The following THSD7A variants were observed in gnomAD, a reference collection of about 807,000 sequenced individuals.
The protein encoded by THSD7A is thrombospondin type 1 domain containing 7A, also known as thrombospondin type-1 domain-containing protein 7A.
A neutral mutation model predicts 231.3 loss-of-function variants in THSD7A; 96 were observed. The ratio of observed to expected loss-of-function variants is 0.41; its 90% CI spans 0.35 to 0.49. THSD7A has a LOEUF of 0.49. Ranked by LOEUF, THSD7A falls within the 20% of genes least tolerant of loss-of-function variation. The pLI is 0.05. For missense variants in THSD7A, 2,290 were observed against 2,070.2 expected (o/e 1.11, Z -2.06); for synonymous variants, 940 against 743.3 (o/e 1.26, Z -4.30).
At chr7:11,762,539 A>G (rs2128168646) in intron 1 of THSD7A, among the ~76,000 whole-genome samples, 1 of 152,216 alleles carries the variant, frequency 6.6e-6, no homozygotes, top group African/African-American at 2.4e-5. Flanking sequence ...TCTTCTGAGA[A>G]ATGTCTGTTC....
intron 4 of THSD7A, among the ~76,000 whole-genome samples, chr7:11,571,943 T>C (rs546238300): frequency 4.1e-4 from 62 of 152,322 alleles, no homozygotes; most frequent in African/African-American, 1.3e-3. Flanking sequence ...GTTGATGTTT[T>C]TTTAACTGAA....
At chr7:11,456,890 C>T (rs1056650928) in intron 11 of THSD7A, among the ~76,000 whole-genome samples, 4 of 151,946 alleles carry the variant, frequency 2.6e-5, no homozygotes, top group African/African-American at 9.7e-5. Flanking sequence ...ATTTCTATCT[C>T]TAGAATCATA....
chr7:11,702,212 G>T (rs1029342436), intron 1 of THSD7A, among the ~76,000 whole-genome samples: 1 of 151,188 alleles, frequency 6.6e-6, no homozygotes, highest in Non-Finnish European at 1.5e-5. Flanking sequence ...CCAGAGTCTG[G>T]TATGATGTGG....
At chr7:11,465,128 ACAAGAGT>A (rs1164324402) in intron 9 of THSD7A, among the ~76,000 whole-genome samples, 1 of 152,146 alleles carries the variant, frequency 6.6e-6, no homozygotes, top group East Asian at 1.9e-4. Flanking sequence ...TATACCTAAG[ACAAGAGT>A]CACATATAGT....
Position 11,377,601 on chromosome 7 carries a change from G to T in THSD7A, c.4802-944C>A, listed in dbSNP as rs117966176. The stretch of plus-strand genomic sequence containing the variant: ...GATCAAGTTAGAGGTTCATTTGCTG[G>T]GAATAAACTCAATTAATATTCTAAA... On this transcript the variant is annotated intron_variant, in intron 26 of 27. Transcript: ENST00000423059. The surrounding 1 kb of genome is among the most constrained non-coding windows in gnomAD (Gnocchi z 4.5). Among the ~76,000 whole-genome samples the T allele has an allele frequency of 4.3e-4, 65 of 151,966 alleles. No homozygotes were observed. The highest frequency in any genetic ancestry group is 7.8e-4 in the Non-Finnish European group (53 of 67,938).
chr7:11,629,074 T>C (rs572693269), intron 2 of THSD7A, among the ~76,000 whole-genome samples: 75 of 152,264 alleles, frequency 4.9e-4, no homozygotes, highest in Non-Finnish European at 9.4e-4. Flanking sequence ...GCAGGAGCCT[T>C]TGCTAGAGAA....
At chr7:11,752,692 G>C (rs1377708071) in intron 1 of THSD7A, among the ~76,000 whole-genome samples, 1 of 151,930 alleles carries the variant, frequency 6.6e-6, no homozygotes, top group Non-Finnish European at 1.5e-5. Flanking sequence ...AAGGTGGGAG[G>C]ACTGCTTGAG....
intron 6 of THSD7A, among the ~76,000 whole-genome samples, chr7:11,501,460 A>G (rs1787333837): frequency 1.3e-5 from 2 of 152,214 alleles, no homozygotes; most frequent in South Asian, 4.1e-4. Flanking sequence ...AAAAATAGAA[A>G]TCAACACAAT....
intron 6 of THSD7A, among the ~76,000 whole-genome samples, chr7:11,524,002 A>G (rs1788373340): frequency 6.6e-6 from 1 of 152,154 alleles, no homozygotes; most frequent in Non-Finnish European, 1.5e-5. Context: ...CATAGTTTCT[A>G]CTTTTCTATG....
chr7:11,604,499 T>A (rs935142548), intron 2 of THSD7A, among the ~76,000 whole-genome samples: 21 of 152,292 alleles, frequency 1.4e-4, no homozygotes, highest in Non-Finnish European at 2.5e-4. Context: ...AACATATTTT[T>A]AATAATTAAA....
At position 11,779,461 on chromosome 7, in the gene THSD7A, A is replaced by T. The variant is rs551105778; in HGVS notation, c.190+52296T>A. 2.4e-4 allele frequency among the ~76,000 whole-genome samples: 36 copies of T among 152,312 alleles called. 1 individual carries two copies. The South Asian group carries it at 7.2e-3, about 31-fold the overall frequency. On this transcript the variant is annotated intron_variant, in intron 1 of 27. Transcript: ENST00000423059. ...CCAAATCTCTTTGTCTGACATATCA[A>T]GGTCATAGGATAAAAACTAGATTCA...
At chr7:11,442,321 G>A (rs929800080) in intron 13 of THSD7A, among the ~76,000 whole-genome samples, 1 of 151,992 alleles carries the variant, frequency 6.6e-6, no homozygotes, top group Non-Finnish European at 1.5e-5. Flanking sequence ...GTGGGAAACA[G>A]TCTAAAATAA....
chr7:11,820,956 C>A, intron 1 of THSD7A: 1 of 1,031,586 alleles, frequency 9.7e-7, no homozygotes, highest in Non-Finnish European at 1.5e-6. Context: ...TTTTTTATGA[C>A]GTTCAATATC....
intron 1 of THSD7A, among the ~76,000 whole-genome samples, chr7:11,669,640 G>T (rs1425328255): frequency 6.6e-6 from 1 of 151,562 alleles, no homozygotes; most frequent in Non-Finnish European, 1.5e-5. Flanking sequence ...TCAAATTTTT[G>T]CTTTAAAAAG....
At chr7:11,820,204 G>T in intron 1 of THSD7A, 1 of 344,076 alleles carries the variant, frequency 2.9e-6, no homozygotes, top group Non-Finnish European at 5.4e-6. Flanking sequence ...GGCTGGTGAG[G>T]GGTGGGGGTA....
intron 2 of THSD7A, among the ~76,000 whole-genome samples, chr7:11,600,928 C>A (rs1780529914): frequency 1.3e-5 from 2 of 152,150 alleles, no homozygotes; most frequent in Admixed American, 6.6e-5. Flanking sequence ...GGTAAAAGGG[C>A]TCTGTGAGTC....
At chr7:11,673,723 A>C (rs1414973643) in intron 1 of THSD7A, among the ~76,000 whole-genome samples, 1 of 152,138 alleles carries the variant, frequency 6.6e-6, no homozygotes, top group Non-Finnish European at 1.5e-5. Flanking sequence ...CTGGACTGGG[A>C]AGGGCATGGC....
At chr7:11,712,169 C>T (rs1584247806) in intron 1 of THSD7A, among the ~76,000 whole-genome samples, 1 of 150,746 alleles carries the variant, frequency 6.6e-6, no homozygotes, top group Non-Finnish European at 1.5e-5. Flanking sequence ...CTAGTACAAA[C>T]CATAAATTTA....
intron 13 of THSD7A, among the ~76,000 whole-genome samples, chr7:11,434,784 A>C (rs1171725988): frequency 6.6e-6 from 1 of 152,050 alleles, no homozygotes; most frequent in Admixed American, 6.6e-5. Flanking sequence ...TCATTTTGCA[A>C]AAACTTTCCA....
Sources: gnomAD v4.1 joint callset for allele counts (sites outside exome capture counted in the v4.1 genomes callset) on GRCh38, gnomAD v4.1.1 for gene constraint, Gnocchi (gnomAD v3.1) non-coding constraint, MANE v1.5 for transcripts, NCBI Gene and HGNC (gene_info 2026-07-23, HGNC 2026-07-21) for gene names.